SMARCA5: variants seen among roughly 807,000 people sequenced by gnomAD.
SMARCA5 encodes SNF2 related chromatin remodeling ATPase 5, also known as SWI/SNF-related matrix-associated actin-dependent regulator of chromatin subfamily A member 5.
A neutral mutation model predicts 140.4 loss-of-function variants in SMARCA5; 18 were observed. The ratio of observed to expected loss-of-function variants is 0.13; its 90% CI spans 0.09 to 0.19. SMARCA5 has a LOEUF of 0.19. SMARCA5 is among the 10% of genes least tolerant of loss of function. The probability of loss-of-function intolerance (pLI) is 1.00; values close to 1 mark genes in which losing one functional copy is unlikely to be tolerated. For synonymous variants in SMARCA5, 449 were observed against 419.6 expected, an observed-to-expected ratio of 1.07 and a Z score of -0.86; for missense variants, 606 against 1,276.8, an observed-to-expected ratio of 0.47 and a Z score of 8.01.
At position 143,555,520 on chromosome 4, in the gene SMARCA5, G is replaced by A. The variant is rs2149827004; in HGVS notation, c.*2336G>A. On this transcript the variant is annotated 3_prime_UTR_variant, in exon 24 of 24. Coordinates refer to ENST00000283131, the MANE Select transcript of SMARCA5 (RefSeq NM_003601.4). ...GATTGTTTTGTTTTGTACCCATGCTGTTGATTGCTAAATGTTTTAATAATC... is the reference window on the plus strand; with the variant it reads ...GATTGTTTTGTTTTGTACCCATGCTATTGATTGCTAAATGTTTTAATAATC... 2.5e-6 allele frequency: 1 copy of A among 405,330 alleles called. No individual in the cohort carries two copies. The highest frequency in any genetic ancestry group is 5.1e-5 in the East Asian group (1 of 19,790). The allele number at this position is 405,330 out of a possible 1,614,324, so 25.1% of individuals were successfully genotyped here.
Position 143,555,276 on chromosome 4 carries a change from C to T in SMARCA5, c.*2092C>T, listed in dbSNP as rs984781650. On this transcript the variant is annotated 3_prime_UTR_variant, in exon 24 of 24. Transcript: ENST00000283131. ...CCAAAATTTGAAGACTGATTGTTGT[C>T]ATTGCCAAAATCATTGTAGCTTTTA... 3.4e-5 allele frequency: 28 copies of T among 834,434 alleles called. No homozygotes were observed. In the African/African-American group the frequency reaches 3.8e-4, roughly 11 times the overall value. The allele number at this position is 834,434 out of a possible 1,614,324, so 51.7% of individuals were successfully genotyped here. A position where few individuals can be genotyped will look rare whatever the true frequency, so the allele number is the denominator to read the frequency against.
intron 18 of SMARCA5, 100 bp from the exon 19 acceptor site, chr4:143,545,824 TC>T: frequency 9.0e-7 from 1 of 1,109,452 alleles, no homozygotes; most frequent in East Asian, 2.4e-5. Flanking sequence ...CAGTATATTT[TC>T]TTTCCTGGTT....
intron 2 of SMARCA5, among the ~76,000 whole-genome samples, chr4:143,519,737 C>G (rs1212433671): frequency 6.6e-6 from 1 of 152,092 alleles, no homozygotes; most frequent in Non-Finnish European, 1.5e-5. Flanking sequence ...CTTCAGAAAA[C>G]TAAATACTAG....
chr4:143,527,415 C>G (rs1737097397), intron 6 of SMARCA5, among the ~76,000 whole-genome samples: 1 of 152,164 alleles, frequency 6.6e-6, no homozygotes, highest in Admixed American at 6.5e-5. Flanking sequence ...CTTAACCAGT[C>G]TTTGCTTCAG....
intron 8 of SMARCA5, 77 bp downstream of exon 8, chr4:143,528,791 T>C: frequency 1.5e-6 from 2 of 1,326,512 alleles, no homozygotes; most frequent in Non-Finnish European, 2.1e-6. Context: ...AAAAGTGGCC[T>C]GCCTTTTAGC....
At chr4:143,546,949 G>C (rs1347408700) in intron 20 of SMARCA5, 41 bp downstream of exon 20, 2 of 1,592,744 alleles carry the variant, frequency 1.3e-6, no homozygotes, top group Admixed American at 1.7e-5. Context: ...AGTAAGAGCT[G>C]TTGGAAGGTT....
At chr4:143,544,498 C>T in intron 16 of SMARCA5, 2 of 312,412 alleles carry the variant, frequency 6.4e-6, no homozygotes, top group Non-Finnish European at 1.2e-5. Flanking sequence ...TAGCATTTCT[C>T]CCTCATTTAA....
chr4:143,535,345 C>G (rs777896034), intron 10 of SMARCA5, among the ~76,000 whole-genome samples: 1 of 152,142 alleles, frequency 6.6e-6, no homozygotes, highest in African/African-American at 2.4e-5. Context: ...GAAAAAGATA[C>G]TGTTGGCCTT....
At chr4:143,542,097 C>CG in intron 14 of SMARCA5, among the ~76,000 whole-genome samples, 1 of 151,876 alleles carries the variant, frequency 6.6e-6, no homozygotes, top group Non-Finnish European at 1.5e-5. Flanking sequence ...TGACCTCAGG[C>CG]GATCCACCCA....
At chr4:143,532,745 C>G (rs757944239) in intron 9 of SMARCA5, among the ~76,000 whole-genome samples, 2 of 151,248 alleles carry the variant, frequency 1.3e-5, no homozygotes, top group Admixed American at 1.3e-4. Context: ...TCCCCCACCT[C>G]CAAAACACTT....
Position 143,538,951 on chromosome 4 carries a change from G to A in SMARCA5, c.1770+13G>A, listed in dbSNP as rs374458916. Reference sequence around the variant, plus strand: ...TCTTCAGGCTATGGTAAGAGATAACGAATAAATATATTCTGTGCTTAGTAG... The same window carrying A: ...TCTTCAGGCTATGGTAAGAGATAACAAATAAATATATTCTGTGCTTAGTAG... On this transcript the variant is annotated intron_variant, in intron 13 of 23. Transcript: ENST00000283131. 9 of 1,610,572 alleles carry A rather than the reference G, an allele frequency of 5.6e-6. No homozygotes were observed. The highest frequency in any genetic ancestry group is 5.1e-6 in the Non-Finnish European group (6 of 1,177,716).
chr4:143,516,684 T>G (rs1208454795), intron 1 of SMARCA5, among the ~76,000 whole-genome samples: 1 of 151,768 alleles, frequency 6.6e-6, no homozygotes, highest in Admixed American at 6.6e-5. Flanking sequence ...ATAGCATATA[T>G]TGCCTAGCAT....
At chr4:143,522,164 G>C (rs1033475633) in intron 3 of SMARCA5, among the ~76,000 whole-genome samples, 1 of 152,202 alleles carries the variant, frequency 6.6e-6, no homozygotes, top group African/African-American at 2.4e-5. Context: ...AGTGTGGTGT[G>C]TGGGATATTG....
intron 4 of SMARCA5, among the ~76,000 whole-genome samples, chr4:143,525,061 T>TA (rs1250355104): frequency 1.3e-5 from 2 of 148,384 alleles, no homozygotes; most frequent in Non-Finnish European, 3.0e-5. Context: ...TTTTTTTTTT[T>TA]ACTAGAAAGA....
At chr4:143,525,606 A>G in intron 5 of SMARCA5, 55 bp downstream of exon 5, 1 of 1,208,786 alleles carries the variant, frequency 8.3e-7, no homozygotes, top group African/African-American at 1.5e-5. Flanking sequence ...AATATCTTAT[A>G]CGTTGATAAA....
In SMARCA5 at chr4:143,547,404, C is replaced by T. The variant is rs781058913; in HGVS notation, c.2673C>T (p.Cys891=). 3 of 1,596,982 alleles carry T rather than the reference C, an allele frequency of 1.9e-6. No individual in the cohort carries two copies. Among genetic ancestry groups the T allele is most frequent in the South Asian group, 1.1e-5 (1 of 89,966 alleles). The change falls in exon 21 of 24, where the codon TGC becomes TGT. Residue 891 remains cysteine, a synonymous_variant. Transcript: ENST00000283131. Reference sequence around the variant, plus strand: ...TTACAGCTGTGTTTTGGGAAAGGTGCAACGAGCTCCAGGACATAGAGAAGA... The same window carrying T: ...TTACAGCTGTGTTTTGGGAAAGGTGTAACGAGCTCCAGGACATAGAGAAGA... ...IEYSAVFWER[C]NELQDIEKIM...
At chr4:143,547,185 C>A (rs755193138) in intron 20 of SMARCA5, among the ~76,000 whole-genome samples, 200 bp from the exon 21 acceptor site, 1 of 152,072 alleles carries the variant, frequency 6.6e-6, no homozygotes, top group Non-Finnish European at 1.5e-5. Context: ...AATTTCTCTG[C>A]ATAACTTCAA....
chr4:143,529,666 A>G (rs1330721183), intron 8 of SMARCA5, among the ~76,000 whole-genome samples: 1 of 152,132 alleles, frequency 6.6e-6, no homozygotes, highest in Admixed American at 6.5e-5. Context: ...CTGGCGTCTT[A>G]TGTGTATTGG....
At chr4:143,549,821 T>C (rs958593143) in intron 22 of SMARCA5, among the ~76,000 whole-genome samples, 176 bp from the exon 23 acceptor site, 2 of 152,094 alleles carry the variant, frequency 1.3e-5, no homozygotes, top group East Asian at 1.9e-4. Flanking sequence ...TTTACAAATA[T>C]CTTGCCTTTA....
Sources: allele counts gnomAD v4.1 joint callset (sites outside exome capture counted in the v4.1 genomes callset), GRCh38; gene constraint gnomAD v4.1.1; transcripts MANE v1.5; gene names NCBI Gene and HGNC (gene_info 2026-07-23, HGNC 2026-07-21).